Variants in ARHGAP20 observed in about 807,000 individuals in gnomAD.
ARHGAP20 encodes rho GTPase-activating protein 20.
A neutral mutation model predicts 73.7 loss-of-function variants in ARHGAP20; 34 were observed. The observed-to-expected ratio is 0.46, with a 90% CI of 0.35 to 0.61. The LOEUF is 0.61. ARHGAP20 is among the 20% of genes least tolerant of loss of function. The probability of loss-of-function intolerance (pLI) is 0.00; values close to 1 mark genes in which losing one functional copy is unlikely to be tolerated. For missense variants in ARHGAP20, 1,314 were observed against 1,420.9 expected, an observed-to-expected ratio of 0.92 and a Z score of 1.21; for synonymous variants, 523 against 518.2, an observed-to-expected ratio of 1.01 and a Z score of -0.13.
chr11:110,587,256 C>T (rs1375484616), intron 11 of ARHGAP20, among the ~76,000 whole-genome samples: 12 of 152,208 alleles, frequency 7.9e-5, no homozygotes, highest in Admixed American at 7.9e-4. Flanking sequence ...GTCAAGCTTG[C>T]AGTCTGATCT....
intron 2 of ARHGAP20, among the ~76,000 whole-genome samples, chr11:110,664,257 A>G (rs754608685): frequency 2.0e-5 from 3 of 152,224 alleles, no homozygotes; most frequent in Non-Finnish European, 4.4e-5. Context: ...TTCACAGATG[A>G]CATGGTAGTC....
chr11:110,631,069 C>T (rs1948851455), intron 2 of ARHGAP20, among the ~76,000 whole-genome samples: 1 of 152,172 alleles, frequency 6.6e-6, no homozygotes, highest in Non-Finnish European at 1.5e-5. Flanking sequence ...ATCCAACCAT[C>T]CATTGAATAA....
intron 1 of ARHGAP20, among the ~76,000 whole-genome samples, chr11:110,705,481 T>C (rs1008286157): frequency 1.3e-5 from 2 of 152,218 alleles, no homozygotes; most frequent in Non-Finnish European, 2.9e-5. Context: ...TCCAACTGCC[T>C]ATTTTAACTT....
intron 12 of ARHGAP20, among the ~76,000 whole-genome samples, chr11:110,584,503 T>G (rs1312568088): frequency 1.3e-5 from 2 of 152,106 alleles, no homozygotes; most frequent in African/African-American, 4.8e-5. Context: ...GGGAGGCCTT[T>G]CTTTAGTACA....
At chr11:110,668,474 C>A (rs1949766808) in intron 2 of ARHGAP20, among the ~76,000 whole-genome samples, 2 of 151,962 alleles carry the variant, frequency 1.3e-5, no homozygotes, top group Non-Finnish European at 2.9e-5. Context: ...CATGGCAAAA[C>A]TGTTACTACA....
intron 13 of ARHGAP20, 45 bp from the exon 14 acceptor site, chr11:110,582,480 GT>G (rs751720109): frequency 8.0e-7 from 1 of 1,256,848 alleles, no homozygotes; most frequent in Admixed American, 1.8e-5. Flanking sequence ...CATATTACAT[GT>G]TTATAAATCA....
intron 6 of ARHGAP20, 137 bp downstream of exon 6, chr11:110,614,424 T>C: frequency 1.5e-6 from 1 of 673,782 alleles, no homozygotes; most frequent in East Asian, 3.0e-5. Flanking sequence ...TTTCCCCCTG[T>C]GGTATTTCTA....
At chr11:110,690,440 TAACA>T (rs1950219107) in intron 2 of ARHGAP20, 103 bp downstream of exon 2, 1 of 1,120,400 alleles carries the variant, frequency 8.9e-7, no homozygotes, top group Admixed American at 2.1e-5. Context: ...CTGGTGCTGA[TAACA>T]AACAACCTCT....
At chr11:110,694,051 CAATT>C (rs1272121495) in intron 1 of ARHGAP20, among the ~76,000 whole-genome samples, 1 of 151,808 alleles carries the variant, frequency 6.6e-6, no homozygotes, top group Non-Finnish European at 1.5e-5. Context: ...CAAAAATACT[CAATT>C]AATTAATTGC....
At chr11:110,648,218 T>TGTAC (rs1292373194) in intron 2 of ARHGAP20, among the ~76,000 whole-genome samples, 14 of 50,600 alleles carry the variant, frequency 2.8e-4, no homozygotes, top group African/African-American at 1.7e-3. Flanking sequence ...TAAATATATA[T>TGTAC]ATGTATATAT....
At chr11:110,599,305 T>C (rs1461918386) in intron 9 of ARHGAP20, among the ~76,000 whole-genome samples, 1 of 152,154 alleles carries the variant, frequency 6.6e-6, no homozygotes, top group Non-Finnish European at 1.5e-5. Flanking sequence ...TGGTGCAAAG[T>C]TGGGTGAGTC....
intron 2 of ARHGAP20, among the ~76,000 whole-genome samples, chr11:110,648,929 C>G (rs1369646024): frequency 6.6e-6 from 1 of 151,970 alleles, no homozygotes; most frequent in African/African-American, 2.4e-5. Flanking sequence ...AAAATTTATT[C>G]TAGGTAGAAT....
intron 7 of ARHGAP20, 65 bp from the exon 8 acceptor site, chr11:110,609,115 A>ATTT (rs57075075): frequency 1.7e-3 from 2,246 of 1,302,428 alleles, no homozygotes; most frequent in Non-Finnish European, 2.0e-3. Flanking sequence ...ATGAGGACAC[A>ATTT]TTTTTTTTTT....
rs1555081578 is a variant in ARHGAP20, at chr11:110,580,962, T to C, written c.1984A>G (p.Ile662Val). The C allele has an allele frequency of 1.9e-6, 3 of 1,614,180 alleles. No homozygotes were observed. Among genetic ancestry groups the C allele is most frequent in the Non-Finnish European group, 2.5e-6 (3 of 1,180,012 alleles). ...KRPLESKPVN[I>V]LVYTKIPLRD... ...AGTGGGATCTTTGTGTACACTAAAATGTTCACCGGCTTGGATTCAAGAGGC... is the reference window on the plus strand; with the variant it reads ...AGTGGGATCTTTGTGTACACTAAAACGTTCACCGGCTTGGATTCAAGAGGC... Residue 662 changes from isoleucine to valine, a missense_variant, in exon 15 of 15, where the codon ATT (isoleucine) becomes GTT (valine). Around this residue, in one of 3 missense-constraint regions of ARHGAP20, gnomAD observed 641 missense variants for 636.9 expected, o/e 1.01. Transcript: ENST00000683387.
chr11:110,644,324 C>CA (rs1228072979), intron 2 of ARHGAP20, among the ~76,000 whole-genome samples: 2 of 151,776 alleles, frequency 1.3e-5, no homozygotes, highest in Non-Finnish European at 2.9e-5. Context: ...TCAAACAAAA[C>CA]AAAAAAAGAC....
intron 9 of ARHGAP20, among the ~76,000 whole-genome samples, chr11:110,601,194 G>A (rs966720385): frequency 6.6e-6 from 1 of 152,166 alleles, no homozygotes; most frequent in African/African-American, 2.4e-5. Context: ...TATGAATTCT[G>A]TGCATTTTAA....
At chr11:110,645,109 A>C (rs1222530638) in intron 2 of ARHGAP20, among the ~76,000 whole-genome samples, 1 of 152,016 alleles carries the variant, frequency 6.6e-6, no homozygotes, top group Non-Finnish European at 1.5e-5. Flanking sequence ...TCCTGGGTTC[A>C]AGTGATTCTC....
At chr11:110,634,178 T>C (rs1444785972) in intron 2 of ARHGAP20, among the ~76,000 whole-genome samples, 2 of 152,136 alleles carry the variant, frequency 1.3e-5, no homozygotes, top group Non-Finnish European at 2.9e-5. Flanking sequence ...TTAAGACCTT[T>C]GAGAAAACAG....
chr11:110,624,293 CTTAAAG>C lies in ARHGAP20; in HGVS notation c.366_371del (p.Asn122_Phe123del). ...CAGTTAATTTAATTTTATTTTTTAT[CTTAAAG>C]TTATTGTTATATCTAGAAAGATAAA... On this transcript the variant is annotated inframe_deletion, in exon 4 of 15. Coordinates refer to ENST00000683387, the MANE Select transcript of ARHGAP20 (RefSeq NM_001384657.1). The C allele has an allele frequency of 6.3e-7, 1 of 1,577,686 alleles. No homozygotes were observed. Among genetic ancestry groups the C allele is most frequent in the Non-Finnish European group, 8.6e-7 (1 of 1,164,426 alleles).
Sources: gnomAD v4.1 joint callset for allele counts (sites outside exome capture counted in the v4.1 genomes callset) on GRCh38, gnomAD v4.1.1 for gene constraint, gnomAD v4.1.1 regional missense constraint, MANE v1.5 for transcripts, NCBI Gene and HGNC (gene_info 2026-07-23, HGNC 2026-07-21) for gene names.